KCNG2: variants seen among roughly 807,000 people sequenced by gnomAD.
The protein encoded by KCNG2 is potassium voltage-gated channel modifier subfamily G member 2.
Under a neutral mutation model 12.3 loss-of-function variants are expected in KCNG2, and 7 were observed. The observed-to-expected ratio is 0.57, with a 90% CI of 0.32 to 1.07. The LOEUF is 1.07. Among genes scored for constraint, KCNG2 ranks in the 50% least tolerant of loss-of-function variants. KCNG2 has a pLI of 0.04. For missense variants in KCNG2, 703 were observed against 726.0 expected (o/e 0.97, Z 0.36); for synonymous variants, 414 against 351.4 (o/e 1.18, Z -1.99).
rs577070486 is a variant in KCNG2, at chr18:79,869,151, G to A, written c.624+4860G>A. The stretch of plus-strand genomic sequence containing the variant: ...AGAGTCCAGCTGGGACAGCCTCCCG[G>A]GTCTCCTGGATACCTCGGAGAATGA... On this transcript the variant is annotated intron_variant, in intron 3 of 3. Coordinates refer to ENST00000316249, the MANE Select transcript of KCNG2 (RefSeq NM_012283.2). 3.9e-5 allele frequency among the ~76,000 whole-genome samples: 6 copies of A among 152,260 alleles called. No homozygotes were observed. In the South Asian group the frequency reaches 1.2e-3, roughly 32 times the overall value.
At chr18:79,891,381 C>G (rs2069037986) in intron 3 of KCNG2, among the ~76,000 whole-genome samples, 2 of 152,142 alleles carry the variant, frequency 1.3e-5, no homozygotes, top group African/African-American at 4.8e-5. Context: ...CAGGCATGAA[C>G]CACCACACCC....
intron 3 of KCNG2, among the ~76,000 whole-genome samples, chr18:79,896,512 C>A (rs1980981619): frequency 6.6e-6 from 1 of 152,232 alleles, no homozygotes; most frequent in African/African-American, 2.4e-5. Flanking sequence ...TGCTCCCACA[C>A]ACCTCCTTTG....
chr18:79,828,523 G>C (rs1753852352), intron 1 of KCNG2, among the ~76,000 whole-genome samples: 1 of 137,160 alleles, frequency 7.3e-6, no homozygotes, highest in Admixed American at 7.4e-5. Context: ...AGTGTAACGT[G>C]TTTATGCATG....
rs367566785 is a variant in KCNG2, at chr18:79,847,195, C to T, written c.-114-9184C>T. On this transcript the variant is annotated intron_variant, in intron 1 of 3. Coordinates refer to ENST00000316249, the MANE Select transcript of KCNG2 (RefSeq NM_012283.2). ...GCTTCCTCCTTGCTTTGCTCCTCCT[C>T]GGATGTCAGCCCTCCTGGCCTCGTA... 2.6e-5 allele frequency among the ~76,000 whole-genome samples: 4 copies of T among 152,212 alleles called. No homozygotes were observed. In the East Asian group the frequency reaches 5.8e-4, roughly 22 times the overall value.
chr18:79,880,301 A>G (rs1164544353), intron 3 of KCNG2, among the ~76,000 whole-genome samples: 3 of 132,142 alleles, frequency 2.3e-5, no homozygotes, highest in Non-Finnish European at 4.7e-5. Context: ...TGGGTGACAG[A>G]GTGAGACTCT....
intron 3 of KCNG2, among the ~76,000 whole-genome samples, chr18:79,882,656 A>C (rs1442179640): frequency 6.6e-6 from 1 of 152,276 alleles, no homozygotes; most frequent in Non-Finnish European, 1.5e-5. Context: ...TCTAAAAACC[A>C]GCCGAGAGCA....
rs1015628276 is a variant in KCNG2, at chr18:79,900,000, G to A, written c.*184G>A. On this transcript the variant is annotated 3_prime_UTR_variant, in exon 4 of 4. Transcript: ENST00000316249. ...GCCCTGCCTGACTCCCCGTGGCAGCGCTGGGCAAAGTCACTGGCCTTTGTC... is the reference window on the plus strand; with the variant it reads ...GCCCTGCCTGACTCCCCGTGGCAGCACTGGGCAAAGTCACTGGCCTTTGTC... 1.9e-5 allele frequency: 8 copies of A among 428,302 alleles called. No homozygotes were observed. Among genetic ancestry groups the A allele is most frequent in the Non-Finnish European group, 3.1e-5 (8 of 259,340 alleles). 26.5% of individuals were successfully genotyped at this position (428,302 alleles called of 1,614,324 possible).
intron 1 of KCNG2, among the ~76,000 whole-genome samples, chr18:79,853,137 C>T (rs971113521): frequency 6.6e-6 from 1 of 152,180 alleles, no homozygotes; most frequent in East Asian, 1.9e-4. Context: ...CCCAGGAATA[C>T]GAGGGTGGGC....
intron 1 of KCNG2, among the ~76,000 whole-genome samples, chr18:79,826,897 G>A (rs1978286562): frequency 6.6e-6 from 1 of 152,234 alleles, no homozygotes; most frequent in African/African-American, 2.4e-5. Context: ...TCACTTGTTT[G>A]ATAAAATTGA....
At chr18:79,841,375 C>T (rs1357596857) in intron 1 of KCNG2, among the ~76,000 whole-genome samples, 1 of 152,004 alleles carries the variant, frequency 6.6e-6, no homozygotes, top group Non-Finnish European at 1.5e-5. Context: ...ACACCAAAAG[C>T]ACAGCCAATA....
intron 1 of KCNG2, among the ~76,000 whole-genome samples, chr18:79,837,173 A>G (rs765526117): frequency 2.0e-5 from 3 of 152,216 alleles, no homozygotes; most frequent in Non-Finnish European, 4.4e-5. Flanking sequence ...GTCCCATGCA[A>G]ATCCAAAACC....
chr18:79,840,415 T>C (rs1038492614), intron 1 of KCNG2, among the ~76,000 whole-genome samples: 3 of 152,140 alleles, frequency 2.0e-5, no homozygotes, highest in Non-Finnish European at 4.4e-5. Context: ...AATACACATA[T>C]AGAACTTTAA....
intron 1 of KCNG2, among the ~76,000 whole-genome samples, chr18:79,841,042 G>A (rs774141608): frequency 1.3e-5 from 2 of 152,164 alleles, no homozygotes; most frequent in South Asian, 2.1e-4. Flanking sequence ...GTTGAGGCGG[G>A]TAGGATTACT....
chr18:79,824,904 G>A lies in KCNG2; in HGVS notation c.-115+26890G>A, dbSNP rs560031921. 9.7e-4 allele frequency among the ~76,000 whole-genome samples: 148 copies of A among 152,162 alleles called. No homozygotes were observed. The Middle Eastern group carries it at 0.01, about 10-fold the overall frequency. ...AATTTCTGCATTGGTATTGATGAGT[G>A]ATATTGAACTTAAGTTTTCTTTCTT... On this transcript the variant is annotated intron_variant, in intron 1 of 3. Coordinates refer to ENST00000316249, the MANE Select transcript of KCNG2 (RefSeq NM_012283.2).
chr18:79,892,885 C>T lies in KCNG2; in HGVS notation c.625-6155C>T, dbSNP rs556046068. Among the ~76,000 whole-genome samples the T allele has an allele frequency of 2.0e-4, 30 of 150,910 alleles. No individual in the cohort carries two copies. In the South Asian group the frequency reaches 5.7e-3, roughly 29 times the overall value. Reference sequence around the variant, plus strand: ...TTGATTGGGTTCTTCACTCCATTCACGTCTAATGTTACAATTGATATAGTT... The same window carrying T: ...TTGATTGGGTTCTTCACTCCATTCATGTCTAATGTTACAATTGATATAGTT... On this transcript the variant is annotated intron_variant, in intron 3 of 3. Transcript: ENST00000316249.
chr18:79,811,287 A>G (rs1288117604), intron 1 of KCNG2, among the ~76,000 whole-genome samples: 3 of 152,246 alleles, frequency 2.0e-5, no homozygotes, highest in African/African-American at 7.2e-5. Flanking sequence ...CTTTAAAAAG[A>G]ACAAAGTTGG....
Position 79,833,746 on chromosome 18 carries a change from T to G in KCNG2, c.-114-22633T>G, listed in dbSNP as rs112891517. Among the ~76,000 whole-genome samples, 733 of 152,298 alleles carry G rather than the reference T, an allele frequency of 4.8e-3. 8 individuals carry two copies. Among genetic ancestry groups the G allele is most frequent in the African/African-American group, 0.017 (693 of 41,560 alleles). On this transcript the variant is annotated intron_variant, in intron 1 of 3. Coordinates refer to ENST00000316249, the MANE Select transcript of KCNG2 (RefSeq NM_012283.2). Reference sequence around the variant, plus strand: ...ACATCAGTAATTAGGTGGTGCCCAGTGTGGCAGCATCTGGCTGGCTGCTGT... The same window carrying G: ...ACATCAGTAATTAGGTGGTGCCCAGGGTGGCAGCATCTGGCTGGCTGCTGT...
At chr18:79,892,429 ATC>A (rs1268671301) in intron 3 of KCNG2, among the ~76,000 whole-genome samples, 2 of 152,210 alleles carry the variant, frequency 1.3e-5, no homozygotes, top group East Asian at 3.8e-4. Flanking sequence ...CTGTATTTGA[ATC>A]TAAAGTGTGT....
intron 1 of KCNG2, among the ~76,000 whole-genome samples, chr18:79,848,483 G>A (rs1978699472): frequency 6.6e-6 from 1 of 152,218 alleles, no homozygotes; most frequent in Non-Finnish European, 1.5e-5. Context: ...CACGGCCTCA[G>A]TGTCGGCCTC....
Sources: gnomAD v4.1 joint callset for allele counts (sites outside exome capture counted in the v4.1 genomes callset) on GRCh38, gnomAD v4.1.1 for gene constraint, MANE v1.5 for transcripts, NCBI Gene and HGNC (gene_info 2026-07-23, HGNC 2026-07-21) for gene names.